CNTN4: variants seen among roughly 807,000 people sequenced by gnomAD.
CNTN4 encodes contactin-4.
Under a neutral mutation model 122.5 loss-of-function variants are expected in CNTN4, and 77 were observed. The observed-to-expected ratio is 0.63, with a 90% CI of 0.52 to 0.76. The LOEUF is 0.76. Ranked by LOEUF, CNTN4 falls within the 30% of genes least tolerant of loss-of-function variation. The pLI is 0.00. For missense variants in CNTN4, 1,256 were observed against 1,259.1 expected, an observed-to-expected ratio of 1.00 and a Z score of 0.04; for synonymous variants, 512 against 447.0, an observed-to-expected ratio of 1.15 and a Z score of -1.83.
intron 2 of CNTN4, among the ~76,000 whole-genome samples, chr3:2,256,244 G>A (rs1458335334): frequency 6.6e-6 from 1 of 152,158 alleles, no homozygotes; most frequent in Non-Finnish European, 1.5e-5. Flanking sequence ...AAACCAGGAA[G>A]AAGTCAAATC....
At chr3:2,128,649 C>G (rs778433874) in intron 2 of CNTN4, among the ~76,000 whole-genome samples, 10 of 152,248 alleles carry the variant, frequency 6.6e-5, no homozygotes, top group Admixed American at 1.3e-4. Context: ...TAACATGTCT[C>G]AAGAAGAACT....
At chr3:2,852,975 C>G (rs1249280224) in intron 7 of CNTN4, among the ~76,000 whole-genome samples, 1 of 152,042 alleles carries the variant, frequency 6.6e-6, no homozygotes, top group Non-Finnish European at 1.5e-5. Context: ...TTCTAAGAAC[C>G]AGTTTTTACG....
chr3:3,015,355 G>T (rs60576222), intron 14 of CNTN4, among the ~76,000 whole-genome samples: 5 of 151,950 alleles, frequency 3.3e-5, no homozygotes, highest in Middle Eastern at 3.2e-3. Flanking sequence ...TGTTGGGGGT[G>T]GGGGAGGGAG....
chr3:2,246,900 C>T (rs943056439), intron 2 of CNTN4, among the ~76,000 whole-genome samples: 1 of 151,928 alleles, frequency 6.6e-6, no homozygotes, highest in Admixed American at 6.6e-5. Context: ...TTTGGACATA[C>T]AGACTTGGTG....
intron 2 of CNTN4, among the ~76,000 whole-genome samples, chr3:2,150,539 G>C (rs1049212568): frequency 1.3e-5 from 2 of 152,176 alleles, no homozygotes; most frequent in African/African-American, 2.4e-5. Flanking sequence ...TTTGTCTACA[G>C]ATCCTCCCCT....
chr3:2,605,137 T>C (rs1224666459), intron 4 of CNTN4, among the ~76,000 whole-genome samples: 1 of 152,150 alleles, frequency 6.6e-6, no homozygotes, highest in East Asian at 1.9e-4. Flanking sequence ...TCCCAAGTGC[T>C]AGGACTCCAG....
intron 3 of CNTN4, among the ~76,000 whole-genome samples, chr3:2,482,695 G>C (rs2076039827): frequency 6.6e-6 from 1 of 152,190 alleles, no homozygotes; most frequent in Non-Finnish European, 1.5e-5. Context: ...TGGCTAAAAG[G>C]GGCCAAGGTA....
intron 6 of CNTN4, among the ~76,000 whole-genome samples, chr3:2,777,314 C>A (rs1394618683): frequency 1.3e-5 from 2 of 152,182 alleles, no homozygotes; most frequent in Non-Finnish European, 2.9e-5. Context: ...GCTTCCCCCA[C>A]TAAATTTAGT....
intron 2 of CNTN4, among the ~76,000 whole-genome samples, chr3:2,191,389 G>A (rs73098036): frequency 0.025 from 3,745 of 151,942 alleles, 150 homozygotes; most frequent in African/African-American, 0.086. Context: ...TTTTATAAGT[G>A]ATACAAGCTG....
intron 3 of CNTN4, among the ~76,000 whole-genome samples, chr3:2,349,878 G>C (rs1486411316): frequency 1.3e-5 from 2 of 152,112 alleles, no homozygotes; most frequent in Non-Finnish European, 2.9e-5. Flanking sequence ...CTGAGGATTG[G>C]TGCCCTGAAA....
chr3:3,056,221 CA>C lies in CNTN4; in HGVS notation c.*5del. On this transcript the variant is annotated 3_prime_UTR_variant, in exon 25 of 25. Transcript: ENST00000418658. Reference sequence around the variant, plus strand: ...CCTCACAGCTAGGTCCAGTTTATGACAAAAGTTATCTGAAGGACTTGCTGTT... The same window carrying C: ...CCTCACAGCTAGGTCCAGTTTATGACAAAGTTATCTGAAGGACTTGCTGTT... 1.2e-6 allele frequency: 2 copies of C among 1,608,378 alleles called. No homozygotes were observed. The highest frequency in any genetic ancestry group is 1.7e-6 in the Non-Finnish European group (2 of 1,174,814).
rs375718791 is a variant in CNTN4, at chr3:3,043,059, C to T, written c.2594C>T (p.Thr865Met). ...GGAAATCAGACATCAACAAAAATCA[C>T]GAACTTAAAAGGCAGTGTGCTGTAT... ...TVGNQTSTKI[T>M]NLKGSVLYHL... The change falls in exon 22 of 25, where the codon ACG becomes ATG. Residue 865 changes from threonine (T) to methionine (M), a missense_variant. Transcript: ENST00000418658. 25 of 1,613,976 alleles carry T rather than the reference C, an allele frequency of 1.5e-5. No individual in the cohort carries two copies. Among genetic ancestry groups the T allele is most frequent in the Admixed American group, 5.0e-5 (3 of 60,006 alleles).
At chr3:2,698,447 A>C (rs563918677) in intron 4 of CNTN4, among the ~76,000 whole-genome samples, 1 of 152,266 alleles carries the variant, frequency 6.6e-6, no homozygotes, top group South Asian at 2.1e-4. Context: ...GCCGTAATCT[A>C]AGGGTCTAGA....
At chr3:2,184,569 C>A (rs778977464) in intron 2 of CNTN4, among the ~76,000 whole-genome samples, 16 of 152,164 alleles carry the variant, frequency 1.1e-4, no homozygotes, top group Non-Finnish European at 8.8e-5. Context: ...TGTTTGTGTC[C>A]CCTCCAAAAC....
At chr3:2,293,380 A>G (rs1232670931) in intron 2 of CNTN4, among the ~76,000 whole-genome samples, 2 of 152,216 alleles carry the variant, frequency 1.3e-5, no homozygotes, top group African/African-American at 2.4e-5. Context: ...TATTGTGAGT[A>G]AAGGCAATAT....
rs2046211173 is a variant in CNTN4, at chr3:2,385,356, A to G, written c.-89+46123A>G. Among the ~76,000 whole-genome samples, 1 of 152,080 alleles carries G rather than the reference A, an allele frequency of 6.6e-6. No homozygotes were observed. The highest frequency in any genetic ancestry group is 1.5e-5 in the Non-Finnish European group (1 of 68,028). ...GTTTATATTACTCTTGTTGCACTGAATAACCTATTAGCATACTTAAGGCAG... is the reference window on the plus strand; with the variant it reads ...GTTTATATTACTCTTGTTGCACTGAGTAACCTATTAGCATACTTAAGGCAG... On this transcript the variant is annotated intron_variant, in intron 3 of 24. Coordinates refer to ENST00000418658, the MANE Select transcript of CNTN4 (RefSeq NM_175607.3). The surrounding 1 kb of genome is among the most constrained non-coding windows in gnomAD (Gnocchi z 4.0).
At chr3:2,798,323 TTATA>T (rs2092255423) in intron 6 of CNTN4, among the ~76,000 whole-genome samples, 1 of 103,136 alleles carries the variant, frequency 9.7e-6, no homozygotes, top group East Asian at 2.4e-4. Context: ...ATATTTATGT[TTATA>T]TAGTCTGTAT....
chr3:2,342,519 T>C (rs2044248095), intron 3 of CNTN4, among the ~76,000 whole-genome samples: 1 of 152,216 alleles, frequency 6.6e-6, no homozygotes, highest in African/African-American at 2.4e-5. Flanking sequence ...TCTCATCTTG[T>C]AGTTCCCATA....
At chr3:2,547,549 G>A (rs2078300666) in intron 3 of CNTN4, among the ~76,000 whole-genome samples, 1 of 152,052 alleles carries the variant, frequency 6.6e-6, no homozygotes, top group East Asian at 1.9e-4. Context: ...GCAGGCGTGA[G>A]CCATCATGCC....
Sources: allele counts gnomAD v4.1 joint callset (sites outside exome capture counted in the v4.1 genomes callset), GRCh38; gene constraint gnomAD v4.1.1; non-coding constraint Gnocchi (gnomAD v3.1); transcripts MANE v1.5; gene names NCBI Gene and HGNC (gene_info 2026-07-23, HGNC 2026-07-21).